ZNF512B: variants seen among roughly 807,000 people sequenced by gnomAD.
The protein encoded by ZNF512B is zinc finger protein 512B.
In ZNF512B, 22 loss-of-function variants were observed where a neutral mutation model predicts 87.8. The observed-to-expected ratio is 0.25, with a 90% confidence interval of 0.18 to 0.36. ZNF512B has a LOEUF of 0.36. ZNF512B is among the 10% of genes least tolerant of loss of function. ZNF512B has a pLI of 1.00. For synonymous variants in ZNF512B, 524 were observed against 490.9 expected, an observed-to-expected ratio of 1.07 and a Z score of -0.89; for missense variants, 1,060 against 1,231.6, an observed-to-expected ratio of 0.86 and a Z score of 2.09.
Position 63,961,544 on chromosome 20 carries a change from G to A in ZNF512B, c.2329-137C>T. The A allele has an allele frequency of 1.2e-6, 1 of 806,122 alleles. No individual in the cohort carries two copies. Among genetic ancestry groups the A allele is most frequent in the Non-Finnish European group, 2.0e-6 (1 of 492,980 alleles). 49.9% of individuals were successfully genotyped at this position (806,122 alleles called of 1,614,324 possible). Reference sequence around the variant, plus strand: ...GCTGTCTGTGCCAGACAATGCAGGGGGCCACTGAGTTACCAGGGCGGCAGG... The same window carrying A: ...GCTGTCTGTGCCAGACAATGCAGGGAGCCACTGAGTTACCAGGGCGGCAGG... On this transcript the variant is annotated intron_variant, in intron 15 of 16. Coordinates refer to ENST00000369888, the MANE Select transcript of ZNF512B (RefSeq NM_020713.3). The surrounding 1 kb of genome is among the most constrained non-coding windows in gnomAD (Gnocchi z 6.4).
At chr20:63,962,964 C>T (rs1030166054) in intron 12 of ZNF512B, 131 bp downstream of exon 12, 6 of 1,326,338 alleles carry the variant, frequency 4.5e-6, no homozygotes, top group Non-Finnish European at 6.0e-6. Context: ...GGACACACGT[C>T]TCTTACAGAG....
chr20:63,963,931 G>A lies in ZNF512B; in HGVS notation c.1481-18C>T. On this transcript the variant is annotated intron_variant, in intron 8 of 16. Coordinates refer to ENST00000369888, the MANE Select transcript of ZNF512B (RefSeq NM_020713.3). ...AGGGCCACCTGTGGGTAAGGCAGGG[G>A]CCTCGAAGGCTTGTGGGGGCTGCTG... The A allele has an allele frequency of 1.2e-6, 2 of 1,606,952 alleles. No homozygotes were observed. Among genetic ancestry groups the A allele is most frequent in the Non-Finnish European group, 1.7e-6 (2 of 1,179,876 alleles).
At position 63,964,648 on chromosome 20, in the gene ZNF512B, C is replaced by G. The variant is rs2058901754; in HGVS notation, c.1103G>C (p.Gly368Ala). 5 of 1,612,598 alleles carry G rather than the reference C, an allele frequency of 3.1e-6. No individual in the cohort carries two copies. In the South Asian group the frequency reaches 5.5e-5, roughly 18 times the overall value. Reference protein sequence around the residue: ...KQARPENGEYGPSSMGQSSAF... With the variant: ...KQARPENGEYAPSSMGQSSAF... ...CGAGCTCTGGCCCATGGAGGAGGGG[C>G]CGTACTCCCCATTCTCTGGCCTGGC... The change falls in exon 6 of 17, where the codon GGC becomes GCC. Residue 368 changes from glycine to alanine, a missense_variant. Gly to Ala is a moderately conservative substitution (Grantham distance 60). Coordinates refer to ENST00000369888, the MANE Select transcript of ZNF512B (RefSeq NM_020713.3).
rs1159181793 is a variant in ZNF512B, at chr20:63,966,723, G to A, written c.452C>T (p.Ser151Phe). Residue 151 changes from serine to phenylalanine, a missense_variant, in exon 5 of 17, where the codon TCT becomes TTT. This residue lies in a region of ZNF512B where 32 missense variants were observed against 68.0 expected (regional missense o/e 0.47). Coordinates refer to ENST00000369888, the MANE Select transcript of ZNF512B (RefSeq NM_020713.3). ...PCPFCEAAFTSKTQLEKHRIW... is the reference protein window; with the variant it reads ...PCPFCEAAFTFKTQLEKHRIW... Reference sequence around the variant, plus strand: ...CCGGTGTTTCTCCAGCTGGGTCTTAGAGGTGAATGCGGCCTCGCAGAAGGG... The same window carrying A: ...CCGGTGTTTCTCCAGCTGGGTCTTAAAGGTGAATGCGGCCTCGCAGAAGGG... 2 of 1,608,268 alleles carry A rather than the reference G, an allele frequency of 1.2e-6. No individual in the cohort carries two copies. The highest frequency in any genetic ancestry group is 1.7e-5 in the Admixed American group (1 of 59,780).
In ZNF512B at chr20:63,964,232, G is replaced by A. The variant is rs762713516; in HGVS notation, c.1334-15C>T. On this transcript the variant is annotated splice_polypyrimidine_tract_variant and intron_variant, in intron 7 of 16. Transcript: ENST00000369888. ...TTTGACCAGGCCTGTGTGCACACAT[G>A]GGGTGGAGAGAAACAGGGATGGGCT... 2.5e-6 allele frequency: 4 copies of A among 1,607,580 alleles called. 1 individual carries two copies. Among genetic ancestry groups the A allele is most frequent in the African/African-American group, 2.7e-5 (2 of 74,454 alleles).
At position 63,957,378 on chromosome 20, in the gene ZNF512B, CCT is replaced by C. The variant is rs1569184647; in HGVS notation, c.*2508_*2509del. 1 of 152,438 alleles carries C rather than the reference CCT, an allele frequency of 6.6e-6. No individual in the cohort carries two copies. The highest frequency in any genetic ancestry group is 2.4e-5 in the African/African-American group (1 of 41,432). 9.4% of individuals were successfully genotyped at this position (152,438 alleles called of 1,614,324 possible). ...ACTCTGGGGGTCAGCTATGCTGGTCCCTCTCACTGAGGGCTCCTGGAGGCCTA... is the reference window on the plus strand; with the variant it reads ...ACTCTGGGGGTCAGCTATGCTGGTCCCTCACTGAGGGCTCCTGGAGGCCTA... On this transcript the variant is annotated 3_prime_UTR_variant, in exon 17 of 17. Transcript: ENST00000369888.
At position 63,962,358 on chromosome 20, in the gene ZNF512B, G is replaced by A; in HGVS notation, c.2180C>T (p.Pro727Leu). 6.2e-7 allele frequency: 1 copy of A among 1,612,378 alleles called. No homozygotes were observed. Residue 727 changes from proline to leucine, a missense_variant, in exon 14 of 17, where the codon CCA becomes CTA. By Grantham distance (98) the Pro-to-Leu change is moderately conservative. This residue lies in a region of ZNF512B where 253 missense variants were observed against 259.2 expected (regional missense o/e 0.98). Transcript: ENST00000369888. The stretch of plus-strand genomic sequence containing the variant: ...CTGGGGGTTCAGCGTGGGGAGCCCT[G>A]GTCGAGTGTAGTTGAGCTGTGAATT... ...PETARLNYTR[P>L]GLPTLNPQLL...
chr20:63,969,600 G>T (rs1354618549), intron 1 of ZNF512B, among the ~76,000 whole-genome samples: 1 of 147,652 alleles, frequency 6.8e-6, no homozygotes, highest in Non-Finnish European at 1.5e-5. Context: ...GGGGTGGGGG[G>T]GCGAAGGCAG....
intron 10 of ZNF512B, 56 bp downstream of exon 10, chr20:63,963,562 A>G: frequency 3.7e-6 from 6 of 1,603,522 alleles, no homozygotes. Context: ...ACTGCGGTGA[A>G]GGTGGGGTGC....
chr20:63,962,009 AG>A lies in ZNF512B; in HGVS notation c.2266-6del, dbSNP rs1326541501. ...GGAGTAGATGGCTTCACAGCACTGC[AG>A]GGAAGGGAGCCGTGGGCGAAGGCCT... On this transcript the variant is annotated splice_polypyrimidine_tract_variant and splice_region_variant and intron_variant, in intron 14 of 16. Transcript: ENST00000369888. 7.1e-6 allele frequency: 11 copies of A among 1,550,786 alleles called. No individual in the cohort carries two copies. The highest frequency in any genetic ancestry group is 1.4e-5 in the African/African-American group (1 of 73,030).
At position 63,966,461 on chromosome 20, in the gene ZNF512B, T is replaced by G. The variant is rs756229980; in HGVS notation, c.714A>C (p.Lys238Asn). The part of the protein sequence containing the change: ...IPVTRPVPVT[K>N]PVTVSRPMPV... ...GCATGGGCCTGCTGACTGTGACAGG[T>G]TTGGTGACTGGCACGGGCCTAGTGA... The change falls in exon 5 of 17, where the codon AAA becomes AAC. Residue 238 changes from lysine (K) to asparagine (N), a missense_variant. Transcript: ENST00000369888. 16 of 1,613,246 alleles carry G rather than the reference T, an allele frequency of 9.9e-6. No homozygotes were observed. Among genetic ancestry groups the G allele is most frequent in the Middle Eastern group, 1.6e-4 (1 of 6,084 alleles).
chr20:63,964,152 C>G lies in ZNF512B; in HGVS notation c.1399G>C (p.Glu467Gln), dbSNP rs1290721330. Residue 467 changes from glutamate to glutamine, a missense_variant, in exon 8 of 17, where the codon GAG becomes CAG. This residue lies in a region of ZNF512B where 212 missense variants were observed against 207.6 expected (regional missense o/e 1.02). Coordinates refer to ENST00000369888, the MANE Select transcript of ZNF512B (RefSeq NM_020713.3). ...GCTGGCACCTTCTTCCGGGCGTCCT[C>G]AGGGCCTGGCCCCTCCTGCTTCTTG... ...RSKKQEGPGP[E>Q]DARKKVPAAP... is the part of the protein sequence containing the mutation. The G allele has an allele frequency of 6.2e-7, 1 of 1,603,640 alleles. No individual in the cohort carries two copies. Among genetic ancestry groups the G allele is most frequent in the Non-Finnish European group, 8.5e-7 (1 of 1,175,902 alleles).
At position 63,966,856 on chromosome 20, in the gene ZNF512B, C is replaced by T; in HGVS notation, c.393+20G>A. 6.2e-7 allele frequency: 1 copy of T among 1,613,608 alleles called. No homozygotes were observed. Among genetic ancestry groups the T allele is most frequent in the South Asian group, 1.1e-5 (1 of 91,076 alleles). ...AAACACACCCCGAGGCCTCCTCTCC[C>T]CCGACCCACAGTCCCTTACCCCTTG... On this transcript the variant is annotated intron_variant, in intron 4 of 16. Transcript: ENST00000369888.
chr20:63,964,193 G>T lies in ZNF512B; in HGVS notation c.1358C>A (p.Ala453Asp). ...CTGCTTCTTGGAGCGGTGAACTCGG[G>T]CCTTGTCCTCAGCTTTGACCAGGCC... The part of the protein sequence containing the change: ...LKGLVKAEDK[A>D]RVHRSKKQEG... Residue 453 changes from alanine (A) to aspartate (D), a missense_variant, in exon 8 of 17, where the codon GCC becomes GAC. This residue lies in a region of ZNF512B where 212 missense variants were observed against 207.6 expected (regional missense o/e 1.02). Coordinates refer to ENST00000369888, the MANE Select transcript of ZNF512B (RefSeq NM_020713.3). 1 of 1,600,428 alleles carries T rather than the reference G, an allele frequency of 6.2e-7. No individual in the cohort carries two copies. The highest frequency in any genetic ancestry group is 8.5e-7 in the Non-Finnish European group (1 of 1,173,934).
In ZNF512B at chr20:63,959,820, G is replaced by C; in HGVS notation, c.*68C>G. 7.3e-6 allele frequency: 11 copies of C among 1,503,862 alleles called. No homozygotes were observed. The highest frequency in any genetic ancestry group is 1.4e-5 in the African/African-American group (1 of 71,776). 93.2% of individuals were successfully genotyped at this position (1,503,862 alleles called of 1,614,324 possible). A position where few individuals can be genotyped will look rare whatever the true frequency, so the allele number is the denominator to read the frequency against. On this transcript the variant is annotated 3_prime_UTR_variant, in exon 17 of 17. Transcript: ENST00000369888. ...GGAGAACTGGAGGACAGAGGTCCCG[G>C]AGCTGGCCCTGCCTTGAACAGAGGG...
Position 63,966,444 on chromosome 20 carries a change from C to T in ZNF512B, c.731G>A (p.Arg244Lys), listed in dbSNP as rs147423286. 1 of 1,613,936 alleles carries T rather than the reference C, an allele frequency of 6.2e-7. No homozygotes were observed. The highest frequency in any genetic ancestry group is 1.3e-5 in the African/African-American group (1 of 74,988). Residue 244 changes from arginine (R) to lysine (K), a missense_variant, in exon 5 of 17, where the codon AGG becomes AAG. Around this residue, in one of 9 missense-constraint regions of ZNF512B, gnomAD observed 201 missense variants for 226.8 expected, o/e 0.89. Coordinates refer to ENST00000369888, the MANE Select transcript of ZNF512B (RefSeq NM_020713.3). ...VPVTKPVTVS[R>K]PMPVTKAMPV... ...CATGGCCTTGGTGACGGGCATGGGC[C>T]TGCTGACTGTGACAGGTTTGGTGAC... is the stretch of plus-strand genomic sequence containing the variant.
At chr20:63,969,201 G>A in intron 1 of ZNF512B, 1 of 984,960 alleles carries the variant, frequency 1.0e-6, no homozygotes, top group Non-Finnish European at 1.2e-6. Context: ...GGCCTGGGGT[G>A]CAGGTGCCTG....
chr20:63,966,417 G>C lies in ZNF512B; in HGVS notation c.758C>G (p.Pro253Arg). Residue 253 changes from proline to arginine, a missense_variant, in exon 5 of 17, where the codon CCG (proline) becomes CGG (arginine). This residue lies in a region of ZNF512B where 201 missense variants were observed against 226.8 expected (regional missense o/e 0.89). Transcript: ENST00000369888. ...GGTGACTGTGATGGGTTTGGTGACC[G>C]GCATGGCCTTGGTGACGGGCATGGG... ...SRPMPVTKAM[P>R]VTKPITVTKS... 1 of 1,614,052 alleles carries C rather than the reference G, an allele frequency of 6.2e-7. No individual in the cohort carries two copies. Among genetic ancestry groups the C allele is most frequent in the Non-Finnish European group, 8.5e-7 (1 of 1,180,042 alleles).
chr20:63,968,073 C>T (rs1181617111), intron 1 of ZNF512B, 121 bp from the exon 2 acceptor site: 3 of 1,304,374 alleles, frequency 2.3e-6, no homozygotes, highest in Non-Finnish European at 3.1e-6. Context: ...GGCCTGCCTT[C>T]CTGTGGTTTT....
Sources: allele counts gnomAD v4.1 joint callset (sites outside exome capture counted in the v4.1 genomes callset), GRCh38; gene constraint gnomAD v4.1.1; regional missense constraint gnomAD v4.1.1; non-coding constraint Gnocchi (gnomAD v3.1); transcripts MANE v1.5; gene names NCBI Gene and HGNC (gene_info 2026-07-23, HGNC 2026-07-21).